The following ERC2 variants were observed in gnomAD, a reference collection of about 807,000 sequenced individuals.
The protein encoded by ERC2 is ELKS/RAB6-interacting/CAST family member 2.
A neutral mutation model predicts 114.8 loss-of-function variants in ERC2; 42 were observed. That is an observed-to-expected ratio of 0.37 (90% CI 0.29 to 0.47). The LOEUF is 0.47. Among genes scored for constraint, ERC2 ranks in the 20% least tolerant of loss-of-function variants. The pLI is 0.99. For synonymous variants in ERC2, 454 were observed against 425.5 expected (o/e 1.07, Z -0.82); for missense variants, 939 against 1,150.7 (o/e 0.82, Z 2.66).
chr3:55,626,356 G>C (rs1432272009), intron 17 of ERC2, among the ~76,000 whole-genome samples: 1 of 152,170 alleles, frequency 6.6e-6, no homozygotes, highest in Admixed American at 6.5e-5. Flanking sequence ...CTGATGTAAG[G>C]ACCCCGGATC....
intron 7 of ERC2, among the ~76,000 whole-genome samples, chr3:56,070,799 G>A (rs1176139793): frequency 6.6e-6 from 1 of 152,098 alleles, no homozygotes; most frequent in African/African-American, 2.4e-5. Flanking sequence ...TTCCTAAGTG[G>A]GCCAAGAAAG....
chr3:56,293,109 G>A (rs540042923), intron 3 of ERC2, among the ~76,000 whole-genome samples: 1 of 152,304 alleles, frequency 6.6e-6, no homozygotes, highest in Admixed American at 6.5e-5. Context: ...TGAATGAATG[G>A]ATGGATGAAT....
At chr3:56,044,380 T>C (rs1231543953) in intron 7 of ERC2, among the ~76,000 whole-genome samples, 1 of 152,196 alleles carries the variant, frequency 6.6e-6, no homozygotes, top group African/African-American at 2.4e-5. Flanking sequence ...AGTCCTTGTT[T>C]TGAATTCTAA....
At chr3:56,402,642 A>G (rs2060563823) in intron 2 of ERC2, among the ~76,000 whole-genome samples, 1 of 152,216 alleles carries the variant, frequency 6.6e-6, no homozygotes, top group Admixed American at 6.5e-5. Flanking sequence ...AGCTTTGCAT[A>G]TGATAGCTGA....
chr3:55,650,075 G>C (rs1412204524), intron 17 of ERC2, among the ~76,000 whole-genome samples: 1 of 152,186 alleles, frequency 6.6e-6, no homozygotes, highest in African/African-American at 2.4e-5. Flanking sequence ...GTGAAACAGA[G>C]GATTGTGTTG....
chr3:56,257,020 A>G (rs888594674), intron 3 of ERC2, among the ~76,000 whole-genome samples: 2 of 152,206 alleles, frequency 1.3e-5, no homozygotes, highest in African/African-American at 4.8e-5. Flanking sequence ...TGTGACCTTG[A>G]AAAGAATTAA....
intron 15 of ERC2, among the ~76,000 whole-genome samples, chr3:55,702,540 AT>A (rs5849107): frequency 0.093 from 14,022 of 150,766 alleles, 1,322 homozygotes; most frequent in African/African-American, 0.24. Flanking sequence ...TCTCTTTTAA[AT>A]TTTTTTTTTT....
At chr3:56,366,571 T>C (rs1228968842) in intron 2 of ERC2, among the ~76,000 whole-genome samples, 1 of 152,222 alleles carries the variant, frequency 6.6e-6, no homozygotes, top group East Asian at 1.9e-4. Flanking sequence ...TTGAGTTCTT[T>C]GGCTGTTTAT....
chr3:56,400,816 A>G (rs563446247), intron 2 of ERC2, among the ~76,000 whole-genome samples: 8 of 152,330 alleles, frequency 5.3e-5, no homozygotes, highest in Admixed American at 5.2e-4. Context: ...TCAAATATCA[A>G]AAGAGAAGAA....
At chr3:55,794,497 T>C (rs1003678100) in intron 14 of ERC2, among the ~76,000 whole-genome samples, 5 of 152,234 alleles carry the variant, frequency 3.3e-5, no homozygotes, top group Non-Finnish European at 1.5e-5. Flanking sequence ...TTGGTTTTAA[T>C]TGTAACTTAC....
intron 14 of ERC2, among the ~76,000 whole-genome samples, chr3:55,797,331 C>T (rs2070597310): frequency 1.3e-5 from 2 of 152,114 alleles, no homozygotes; most frequent in African/African-American, 2.4e-5. Flanking sequence ...GCACAAACAC[C>T]ATGGTCATTT....
intron 2 of ERC2, among the ~76,000 whole-genome samples, chr3:56,311,261 A>C (rs371384019): frequency 0.49 from 37,008 of 75,104 alleles, 7,406 homozygotes; most frequent in East Asian, 0.63. Flanking sequence ...CTCTCTATAT[A>C]TATATATATA....
intron 3 of ERC2, among the ~76,000 whole-genome samples, chr3:56,196,633 A>G (rs2048123786): frequency 6.6e-6 from 1 of 152,164 alleles, no homozygotes; most frequent in African/African-American, 2.4e-5. Context: ...TTTAGCTTCT[A>G]ACAACTACAG....
At chr3:56,330,567 G>A (rs2057563621) in intron 2 of ERC2, among the ~76,000 whole-genome samples, 2 of 152,046 alleles carry the variant, frequency 1.3e-5, no homozygotes, top group South Asian at 4.2e-4. Context: ...AAATTTACTG[G>A]ATTTCAACTT....
At chr3:56,130,501 A>T (rs1386723768) in intron 6 of ERC2, among the ~76,000 whole-genome samples, 7 of 152,224 alleles carry the variant, frequency 4.6e-5, no homozygotes, top group Non-Finnish European at 8.8e-5. Context: ...ACCTGTGTTT[A>T]TAAAGTCAAA....
chr3:55,544,099 G>A (rs1439713908), intron 17 of ERC2, among the ~76,000 whole-genome samples: 6 of 152,298 alleles, frequency 3.9e-5, no homozygotes, highest in East Asian at 3.9e-4. Flanking sequence ...AGAGGCTACC[G>A]ATGGGGATGA....
chr3:56,390,486 T>C (rs1397769846), intron 2 of ERC2, among the ~76,000 whole-genome samples: 2 of 152,152 alleles, frequency 1.3e-5, no homozygotes, highest in African/African-American at 4.8e-5. Flanking sequence ...AGGAGAGTGA[T>C]TGGCTACCTT....
At chr3:55,694,597 G>A (rs1222678833) in intron 16 of ERC2, among the ~76,000 whole-genome samples, 8 of 152,210 alleles carry the variant, frequency 5.3e-5, no homozygotes, top group Admixed American at 6.6e-5. Flanking sequence ...ACCTATGAGC[G>A]AGTATTTGCA....
At chr3:55,847,336 T>C (rs963464146) in intron 14 of ERC2, among the ~76,000 whole-genome samples, 1 of 152,198 alleles carries the variant, frequency 6.6e-6, no homozygotes, top group Non-Finnish European at 1.5e-5. Flanking sequence ...AAAATGATTT[T>C]GAAAATTGCC....
Sources: allele counts gnomAD v4.1 joint callset (sites outside exome capture counted in the v4.1 genomes callset), GRCh38; gene constraint gnomAD v4.1.1; transcripts MANE v1.5; gene names NCBI Gene and HGNC (gene_info 2026-07-23, HGNC 2026-07-21).